KIAA1549: variants seen among roughly 807,000 people sequenced by gnomAD.
KIAA1549 encodes the protein UPF0606 protein KIAA1549.
In KIAA1549, 70 loss-of-function variants were observed where a neutral mutation model predicts 156.4. The observed-to-expected ratio is 0.45, with a 90% confidence interval of 0.37 to 0.55. KIAA1549 has a LOEUF of 0.55. Among genes scored for constraint, KIAA1549 ranks in the 20% least tolerant of loss-of-function variants. KIAA1549 has a pLI of 0.00. For missense variants in KIAA1549, 2,428 were observed against 2,540.9 expected (o/e 0.96, Z 0.96); for synonymous variants, 1,103 against 1,066.4 (o/e 1.03, Z -0.67).
chr7:138,858,651 T>A (rs890930094), intron 16 of KIAA1549, among the ~76,000 whole-genome samples: 1 of 152,080 alleles, frequency 6.6e-6, no homozygotes, highest in African/African-American at 2.4e-5. Flanking sequence ...TGATGTTGCA[T>A]GAATTATGCA....
chr7:138,849,763 G>T (rs946063370), intron 17 of KIAA1549, among the ~76,000 whole-genome samples: 2 of 151,860 alleles, frequency 1.3e-5, no homozygotes, highest in Non-Finnish European at 2.9e-5. Context: ...TCCTCTCTGT[G>T]TCCATGAGTT....
intron 16 of KIAA1549, among the ~76,000 whole-genome samples, chr7:138,858,803 C>A (rs537818400): frequency 1.3e-5 from 2 of 152,136 alleles, no homozygotes; most frequent in African/African-American, 4.8e-5. Flanking sequence ...GTCAGGAGAT[C>A]GAGACCATCC....
intron 1 of KIAA1549, among the ~76,000 whole-genome samples, chr7:138,936,007 A>G (rs1226099608): frequency 1.3e-5 from 2 of 152,238 alleles, no homozygotes; most frequent in African/African-American, 4.8e-5. Context: ...TGAGCAGAGC[A>G]GCTTTTTGAC....
chr7:138,863,854 C>T (rs1444119658), intron 15 of KIAA1549, among the ~76,000 whole-genome samples: 2 of 152,186 alleles, frequency 1.3e-5, no homozygotes, highest in Non-Finnish European at 2.9e-5. Context: ...TGAGATTTGT[C>T]ACTGAGGAAT....
rs193045454 is a variant in KIAA1549, at chr7:138,837,271, C to G, written c.*635G>C. On this transcript the variant is annotated 3_prime_UTR_variant, in exon 20 of 20. Coordinates refer to ENST00000422774, the MANE Select transcript of KIAA1549 (RefSeq NM_001164665.2). ...ATTTCAGACATGAAGGTGAAGGGCC[C>G]TTGGAGCTGTAGCACCAGAAGAAGG... 218 of 228,472 alleles carry G rather than the reference C, an allele frequency of 9.5e-4. No individual in the cohort carries two copies. The highest frequency in any genetic ancestry group is 1.5e-3 in the Non-Finnish European group (176 of 115,238). 14.2% of individuals were successfully genotyped at this position (228,472 alleles called of 1,614,324 possible).
intron 1 of KIAA1549, among the ~76,000 whole-genome samples, chr7:138,952,868 C>A (rs781624366): frequency 3.3e-5 from 5 of 152,162 alleles, no homozygotes; most frequent in Admixed American, 1.3e-4. Context: ...AAGGAGAAAG[C>A]CTGGCAAGGA....
intron 1 of KIAA1549, among the ~76,000 whole-genome samples, chr7:138,928,801 T>C (rs952112777): frequency 5.3e-5 from 8 of 152,230 alleles, no homozygotes; most frequent in African/African-American, 1.9e-4. Context: ...ATCCCTCTAA[T>C]GTAAATGACA....
rs77654725 is a variant in KIAA1549, at chr7:138,875,775, C to T, written c.4345+3763G>A. Among the ~76,000 whole-genome samples, 868 of 152,268 alleles carry T rather than the reference C, an allele frequency of 5.7e-3. 11 individuals are homozygous for T. The highest frequency in any genetic ancestry group is 0.02 in the African/African-American group (833 of 41,554). Reference sequence around the variant, plus strand: ...TTTTAAAGAAATATTATTTCATTATCTACAAGTAAACACAGTCAAACCACT... The same window carrying T: ...TTTTAAAGAAATATTATTTCATTATTTACAAGTAAACACAGTCAAACCACT... On this transcript the variant is annotated intron_variant, in intron 12 of 19. Transcript: ENST00000422774.
intron 1 of KIAA1549, among the ~76,000 whole-genome samples, chr7:138,970,829 C>T (rs1814197950): frequency 6.6e-6 from 1 of 152,210 alleles, no homozygotes; most frequent in South Asian, 2.1e-4. Context: ...CCTTTGAAAG[C>T]TCCCCAACAG....
At chr7:138,885,342 C>A (rs1811360622) in intron 10 of KIAA1549, among the ~76,000 whole-genome samples, 1 of 152,194 alleles carries the variant, frequency 6.6e-6, no homozygotes, top group Non-Finnish European at 1.5e-5. Flanking sequence ...TCATCACAGA[C>A]AACCTGCTGG....
intron 1 of KIAA1549, among the ~76,000 whole-genome samples, chr7:138,978,188 T>A (rs1008135683): frequency 6.6e-6 from 1 of 152,238 alleles, no homozygotes; most frequent in Non-Finnish European, 1.5e-5. Context: ...CTTTTTTTAA[T>A]GTTAACAACA....
At chr7:138,963,072 A>G (rs976236058) in intron 1 of KIAA1549, among the ~76,000 whole-genome samples, 6 of 152,222 alleles carry the variant, frequency 3.9e-5, no homozygotes, top group African/African-American at 1.4e-4. Flanking sequence ...TTAGTATCCC[A>G]ACATCCAGCA....
chr7:138,955,823 G>C (rs533263484), intron 1 of KIAA1549, among the ~76,000 whole-genome samples: 36 of 152,290 alleles, frequency 2.4e-4, no homozygotes, highest in African/African-American at 8.4e-4. Flanking sequence ...TTTATAATCA[G>C]AGACAAACTT....
intron 1 of KIAA1549, among the ~76,000 whole-genome samples, chr7:138,974,457 G>C (rs1481427765): frequency 6.6e-6 from 1 of 152,080 alleles, no homozygotes; most frequent in Non-Finnish European, 1.5e-5. Context: ...TTTTGAGACA[G>C]AGTCTCATTT....
At chr7:138,854,207 C>G (rs1396732754) in intron 16 of KIAA1549, among the ~76,000 whole-genome samples, 1 of 152,124 alleles carries the variant, frequency 6.6e-6, no homozygotes, top group Non-Finnish European at 1.5e-5. Flanking sequence ...TAATGCATCC[C>G]TTTTTTCTAT....
rs1486254993 is a variant in KIAA1549 at position 138,903,749 on chromosome 7, G to A, written c.3521-13C>T. The A allele has an allele frequency of 6.4e-7, 1 of 1,551,978 alleles. No individual in the cohort carries two copies. The highest frequency in any genetic ancestry group is 8.7e-7 in the Non-Finnish European group (1 of 1,147,684). On this transcript the variant is annotated splice_polypyrimidine_tract_variant and intron_variant, in intron 7 of 19. Transcript: ENST00000422774. ...ACGCCCAGGAGAACTACATTTAAAT[G>A]AAAACATACGTGGCACCCAAAACAA...
At chr7:138,932,711 G>A (rs535985718) in intron 1 of KIAA1549, among the ~76,000 whole-genome samples, 1 of 152,290 alleles carries the variant, frequency 6.6e-6, no homozygotes, top group African/African-American at 2.4e-5. Context: ...CCTCAAGAGT[G>A]TGGTCAGCGG....
At chr7:138,921,271 G>A (rs1240814519) in intron 1 of KIAA1549, among the ~76,000 whole-genome samples, 1 of 152,198 alleles carries the variant, frequency 6.6e-6, no homozygotes, top group Non-Finnish European at 1.5e-5. Flanking sequence ...ACCTTGGACT[G>A]ACTTTCCCTT....
At chr7:138,870,329 T>A (rs759874690) in intron 13 of KIAA1549, among the ~76,000 whole-genome samples, 4 of 151,986 alleles carry the variant, frequency 2.6e-5, no homozygotes, top group African/African-American at 4.8e-5. Context: ...ACTGGAGTCT[T>A]GTCACCATCC....
Sources: allele counts gnomAD v4.1 joint callset (sites outside exome capture counted in the v4.1 genomes callset), GRCh38; gene constraint gnomAD v4.1.1; transcripts MANE v1.5; gene names NCBI Gene and HGNC (gene_info 2026-07-23, HGNC 2026-07-21).